The following STRADA variants were observed in gnomAD, a reference collection of about 807,000 sequenced individuals.
STRADA encodes the protein STE20 related adaptor alpha.
Under a neutral mutation model 55.0 loss-of-function variants are expected in STRADA, and 26 were observed. The observed-to-expected ratio is 0.47, with a 90% confidence interval of 0.35 to 0.66. The LOEUF (loss-of-function observed/expected upper bound fraction) is 0.66. Among genes scored for constraint, STRADA ranks in the 30% least tolerant of loss-of-function variants. STRADA has a pLI of 0.01. For synonymous variants in STRADA, 197 were observed against 210.9 expected (o/e 0.93, Z 0.57); for missense variants, 443 against 549.7 (o/e 0.81, Z 1.94).
chr17:63,707,306 C>T lies in STRADA; in HGVS notation c.694G>A (p.Asp232Asn), dbSNP rs1266452858. ...SHGQRQRVVHDFPKYSVKVLP... is the reference protein window; with the variant it reads ...SHGQRQRVVHNFPKYSVKVLP... The stretch of plus-strand genomic sequence containing the variant: ...ACCTTGACACTGTACTTGGGAAAAT[C>T]GTGGACCACTCGCTGCCGCTGCCCA... Residue 232 changes from aspartate to asparagine, a missense_variant, in exon 9 of 13, where the codon GAT becomes AAT. Coordinates refer to ENST00000336174, the MANE Select transcript of STRADA (RefSeq NM_001003787.4). The T allele has an allele frequency of 1.9e-6, 3 of 1,614,224 alleles. No homozygotes were observed.
chr17:63,706,823 TG>T (rs2036126465), intron 9 of STRADA, 84 bp from the exon 10 acceptor site: 17 of 1,071,824 alleles, frequency 1.6e-5, no homozygotes, highest in Admixed American at 1.3e-4. Flanking sequence ...AGGAAAAGGA[TG>T]GCTGTCCCCA....
chr17:63,724,344 T>C (rs759251374), intron 3 of STRADA, among the ~76,000 whole-genome samples: 3 of 152,066 alleles, frequency 2.0e-5, no homozygotes, highest in Non-Finnish European at 4.4e-5. Context: ...GGTTTTGCCA[T>C]GTTGGCCAGG....
At chr17:63,713,958 A>C in intron 5 of STRADA, 48 bp downstream of exon 5, 1 of 1,496,644 alleles carries the variant, frequency 6.7e-7, no homozygotes, top group Non-Finnish European at 9.3e-7. Context: ...AAGCTGCAGC[A>C]GCCCCTGGAG....
At chr17:63,731,454 C>T (rs190039676) in intron 1 of STRADA, among the ~76,000 whole-genome samples, 6 of 151,316 alleles carry the variant, frequency 4.0e-5, no homozygotes, top group Non-Finnish European at 5.9e-5. Context: ...TTAGTAGAGG[C>T]GGGGTTTCAC....
intron 1 of STRADA, among the ~76,000 whole-genome samples, chr17:63,739,789 A>G (rs2038746213): frequency 1.6e-5 from 1 of 61,806 alleles, no homozygotes; most frequent in Non-Finnish European, 3.2e-5. Flanking sequence ...TATACATATA[A>G]TGTACATAAT....
At chr17:63,723,551 G>A in intron 3 of STRADA, 1 of 558,090 alleles carries the variant, frequency 1.8e-6, no homozygotes, top group Non-Finnish European at 3.2e-6. Context: ...TTCTTCAAAA[G>A]GTGGCAAGGC....
At chr17:63,713,659 T>C in intron 5 of STRADA, 132 bp from the exon 6 acceptor site, 1 of 1,208,860 alleles carries the variant, frequency 8.3e-7, no homozygotes, top group Non-Finnish European at 1.2e-6. Context: ...TACTTTTTTT[T>C]TTTTCCTTTT....
At chr17:63,711,288 G>A (rs996191689) in intron 6 of STRADA, among the ~76,000 whole-genome samples, 1 of 152,196 alleles carries the variant, frequency 6.6e-6, no homozygotes, top group Non-Finnish European at 1.5e-5. Context: ...TTCTGCCTCA[G>A]CCTCCCAAAG....
intron 4 of STRADA, chr17:63,715,114 G>A (rs900422481): frequency 2.0e-5 from 3 of 152,216 alleles, no homozygotes; most frequent in African/African-American, 4.8e-5. Flanking sequence ...AGAAGAGCAC[G>A]AGCTGAGAGT....
In STRADA at chr17:63,740,107, T is replaced by TATATATATATATAC. The variant is rs1309095081; in HGVS notation, c.-45+1633_-45+1634insGTATATATATATAT. 3.6e-3 allele frequency among the ~76,000 whole-genome samples: 181 copies of TATATATATATATAC among 49,638 alleles called. 29 individuals carry two copies. In the South Asian group the frequency reaches 0.038, roughly 10 times the overall value. The allele number at this position is 49,638 out of a possible 152,430, so 32.6% of individuals were successfully genotyped here. A position where few individuals can be genotyped will look rare whatever the true frequency, so the allele number is the denominator to read the frequency against. ...AACACTATATATATATATATATATA[T>TATATATATATATAC]ACATACATACATATATATATACACA... On this transcript the variant is annotated intron_variant, in intron 1 of 12. Transcript: ENST00000336174.
At chr17:63,724,257 C>G (rs371202126) in intron 3 of STRADA, among the ~76,000 whole-genome samples, 2 of 151,828 alleles carry the variant, frequency 1.3e-5, no homozygotes. Context: ...ATTCTCCTGC[C>G]TCAGCCTCCC....
At chr17:63,718,283 T>C (rs1301373409) in intron 4 of STRADA, among the ~76,000 whole-genome samples, 1 of 152,162 alleles carries the variant, frequency 6.6e-6, no homozygotes, top group Non-Finnish European at 1.5e-5. Flanking sequence ...AAGATACTGG[T>C]TACCACATGC....
intron 1 of STRADA, among the ~76,000 whole-genome samples, chr17:63,739,343 A>G (rs1018963313): frequency 2.0e-5 from 3 of 152,094 alleles, no homozygotes; most frequent in African/African-American, 7.2e-5. Flanking sequence ...TAAATGGTAT[A>G]CAAATTATGA....
At chr17:63,713,180 G>C (rs1485696599) in intron 6 of STRADA, among the ~76,000 whole-genome samples, 1 of 151,904 alleles carries the variant, frequency 6.6e-6, no homozygotes, top group Admixed American at 6.6e-5. Context: ...ATAAATAAAT[G>C]AATAAAAAAG....
chr17:63,714,244 A>G (rs1043469122), intron 4 of STRADA, 136 bp from the exon 5 acceptor site: 4 of 672,340 alleles, frequency 5.9e-6, no homozygotes, highest in Admixed American at 2.1e-5. Context: ...TGCCAGCACT[A>G]TTTGAAGAGA....
chr17:63,740,153 C>T (rs1247444569), intron 1 of STRADA, among the ~76,000 whole-genome samples: 3,655 of 86,082 alleles, frequency 0.042, 324 homozygotes, highest in African/African-American at 0.1. Context: ...TATATACACA[C>T]ACACACACAC....
At chr17:63,726,449 C>CA (rs1213704105) in intron 3 of STRADA, 189 bp downstream of exon 3, 25 of 545,240 alleles carry the variant, frequency 4.6e-5, no homozygotes, top group African/African-American at 4.3e-4. Context: ...CAAGACAGGC[C>CA]AAGGAAAATT....
At chr17:63,740,934 GA>G (rs1410364328) in intron 1 of STRADA, among the ~76,000 whole-genome samples, 5 of 152,206 alleles carry the variant, frequency 3.3e-5, no homozygotes, top group Non-Finnish European at 7.3e-5. Context: ...TCAGGGACAA[GA>G]AACAGTCCTG....
chr17:63,713,856 A>T (rs922913515), intron 5 of STRADA, 150 bp downstream of exon 5: 2 of 708,720 alleles, frequency 2.8e-6, no homozygotes, highest in Non-Finnish European at 4.8e-6. Flanking sequence ...GGCATAAAAA[A>T]ACAGAGAAGA....
Sources: allele counts gnomAD v4.1 joint callset (sites outside exome capture counted in the v4.1 genomes callset), GRCh38; gene constraint gnomAD v4.1.1; transcripts MANE v1.5; gene names NCBI Gene and HGNC (gene_info 2026-07-23, HGNC 2026-07-21).